PRICKLE1: variants seen among roughly 807,000 people sequenced by gnomAD.
The protein encoded by PRICKLE1 is prickle-like protein 1.
Under a neutral mutation model 70.2 loss-of-function variants are expected in PRICKLE1, and 14 were observed. That is an observed-to-expected ratio of 0.20 (90% CI 0.13 to 0.31). The LOEUF is 0.31. PRICKLE1 is among the 10% of genes least tolerant of loss of function. The pLI is 1.00. For missense variants in PRICKLE1, 821 were observed against 1,026.2 expected (o/e 0.80, Z 2.73); for synonymous variants, 357 against 379.9 (o/e 0.94, Z 0.70).
intron 6 of PRICKLE1, 68 bp downstream of exon 6, chr12:42,466,126 T>C: frequency 6.5e-7 from 1 of 1,535,224 alleles, no homozygotes; most frequent in South Asian, 1.1e-5. Context: ...AAAGAAAAAA[T>C]AAGACTGGAT....
chr12:42,576,604 G>A (rs1863459285), intron 1 of PRICKLE1, among the ~76,000 whole-genome samples: 1 of 152,204 alleles, frequency 6.6e-6, no homozygotes, highest in Non-Finnish European at 1.5e-5. Flanking sequence ...GATTATTAAT[G>A]TCAAATTTAT....
At chr12:42,541,557 C>G (rs537652273) in intron 1 of PRICKLE1, among the ~76,000 whole-genome samples, 1 of 152,192 alleles carries the variant, frequency 6.6e-6, no homozygotes, top group Middle Eastern at 3.4e-3. Flanking sequence ...AGGCTGGTCT[C>G]AAACTCCTGG....
chr12:42,578,033 A>T (rs1241395349), intron 1 of PRICKLE1, among the ~76,000 whole-genome samples: 1 of 152,176 alleles, frequency 6.6e-6, no homozygotes, highest in Non-Finnish European at 1.5e-5. Context: ...TAAAGATGCA[A>T]GGAAGATAAA....
intron 1 of PRICKLE1, among the ~76,000 whole-genome samples, chr12:42,527,517 T>C (rs1488741393): frequency 6.6e-6 from 1 of 152,194 alleles, no homozygotes; most frequent in African/African-American, 2.4e-5. Flanking sequence ...AAAATCCACT[T>C]AGCAGGCAAT....
At chr12:42,475,912 C>T (rs900542638) in intron 1 of PRICKLE1, among the ~76,000 whole-genome samples, 11 of 151,520 alleles carry the variant, frequency 7.3e-5, no homozygotes, top group Admixed American at 6.6e-4. Flanking sequence ...CCAGCATGGC[C>T]AACCTAGTGA....
chr12:42,546,025 G>C (rs1343835403), intron 1 of PRICKLE1, among the ~76,000 whole-genome samples: 1 of 151,932 alleles, frequency 6.6e-6, no homozygotes, highest in East Asian at 1.9e-4. Context: ...GAATTTAGAT[G>C]TAAAAAAGCA....
At chr12:42,460,717 C>T in intron 7 of PRICKLE1, 52 bp from the exon 8 acceptor site, 2 of 1,591,152 alleles carry the variant, frequency 1.3e-6, no homozygotes, top group Non-Finnish European at 1.7e-6. Flanking sequence ...TAATATTCGA[C>T]AGTACTTAAA....
At chr12:42,553,021 C>A (rs1199441280) in intron 1 of PRICKLE1, among the ~76,000 whole-genome samples, 1 of 152,222 alleles carries the variant, frequency 6.6e-6, no homozygotes, top group Non-Finnish European at 1.5e-5. Context: ...CGCTGGCCGG[C>A]GGCTCACCTC....
intron 4 of PRICKLE1, among the ~76,000 whole-genome samples, chr12:42,469,186 A>C (rs1040628851): frequency 6.6e-6 from 1 of 152,004 alleles, no homozygotes; most frequent in African/African-American, 2.4e-5. Flanking sequence ...CCTAGCACCT[A>C]CCTCCATGCC....
At chr12:42,573,813 G>A (rs925749817) in intron 1 of PRICKLE1, among the ~76,000 whole-genome samples, 2 of 152,076 alleles carry the variant, frequency 1.3e-5, no homozygotes, top group African/African-American at 4.8e-5. Context: ...AGGATTAAAA[G>A]GCATGAGCCA....
intron 1 of PRICKLE1, among the ~76,000 whole-genome samples, chr12:42,478,490 T>C (rs1268835796): frequency 6.6e-6 from 1 of 152,146 alleles, no homozygotes; most frequent in African/African-American, 2.4e-5. Flanking sequence ...CAAAACCTTT[T>C]AACAGCTACC....
At chr12:42,548,936 C>T (rs1431165677) in intron 1 of PRICKLE1, among the ~76,000 whole-genome samples, 2 of 150,828 alleles carry the variant, frequency 1.3e-5, no homozygotes, top group Non-Finnish European at 2.9e-5. Flanking sequence ...GCCTGGCCAA[C>T]GTGGTGAAAC....
intron 1 of PRICKLE1, among the ~76,000 whole-genome samples, chr12:42,552,058 ACTTTTTT>A (rs775651545): frequency 9.9e-6 from 1 of 101,482 alleles, no homozygotes; most frequent in Admixed American, 1.0e-4. Flanking sequence ...CAAGAAAGTT[ACTTTTTT>A]TTTTTTTTTT....
rs544572131 is a variant in PRICKLE1 at position 42,531,776 on chromosome 12, C to T, written c.-49+57689G>A. Among the ~76,000 whole-genome samples the T allele has an allele frequency of 9.2e-5, 14 of 152,280 alleles. No individual in the cohort carries two copies. The East Asian group carries it at 1.9e-3, about 21-fold the overall frequency. On this transcript the variant is annotated intron_variant, in intron 1 of 7. Transcript: ENST00000345127. Reference sequence around the variant, plus strand: ...ACAACTGCTAATGATCAGAATGATACTCTCTTTCTAGAGAAAGATAATTGA... The same window carrying T: ...ACAACTGCTAATGATCAGAATGATATTCTCTTTCTAGAGAAAGATAATTGA...
Position 42,469,434 on chromosome 12 carries a change from A to AGAAG in PRICKLE1, c.384+12_384+15dup, listed in dbSNP as rs1566085102. The AGAAG allele has an allele frequency of 6.2e-7, 1 of 1,613,824 alleles. No individual in the cohort carries two copies. Among genetic ancestry groups the AGAAG allele is most frequent in the East Asian group, 2.2e-5 (1 of 44,886 alleles). On this transcript the variant is annotated intron_variant, in intron 4 of 7. Transcript: ENST00000345127. ...ATCACTGCCACAAGCTACGCATCAG[A>AGAAG]GAAGGGGCTGCTCACCTGCTCACAC...
intron 1 of PRICKLE1, among the ~76,000 whole-genome samples, chr12:42,581,351 G>T (rs1566135578): frequency 6.6e-6 from 1 of 151,922 alleles, no homozygotes; most frequent in South Asian, 2.1e-4. Context: ...AAAAAAACTG[G>T]CTTTTTCTGT....
In PRICKLE1 at chr12:42,544,253, C is replaced by T. The variant is rs1393126250; in HGVS notation, c.-49+45212G>A. On this transcript the variant is annotated intron_variant, in intron 1 of 7. Transcript: ENST00000345127. ...GATCACTTGATTATGTTGGTCAGCA[C>T]CAGATTTTTCCATTAGGAAGGTATG... is the stretch of plus-strand genomic sequence containing the variant. Among the ~76,000 whole-genome samples the T allele has an allele frequency of 2.6e-5, 4 of 152,116 alleles. No individual in the cohort carries two copies. In the South Asian group the frequency reaches 6.2e-4, roughly 24 times the overall value.
At chr12:42,466,408 A>G (rs1206546595) in intron 5 of PRICKLE1, 28 bp from the exon 6 acceptor site, 14 of 1,604,350 alleles carry the variant, frequency 8.7e-6, no homozygotes, top group African/African-American at 1.3e-5. Context: ...AAACCAGAGA[A>G]TGAAAGAAAA....
chr12:42,571,350 T>A (rs1024062525), intron 1 of PRICKLE1, among the ~76,000 whole-genome samples: 2 of 152,062 alleles, frequency 1.3e-5, no homozygotes, highest in Non-Finnish European at 2.9e-5. Context: ...ATTACAGGAA[T>A]AAAATTACAG....
Sources: allele counts gnomAD v4.1 joint callset (sites outside exome capture counted in the v4.1 genomes callset), GRCh38; gene constraint gnomAD v4.1.1; transcripts MANE v1.5; gene names NCBI Gene and HGNC (gene_info 2026-07-23, HGNC 2026-07-21).